CCDC91: variants seen among roughly 807,000 people sequenced by gnomAD.
The protein encoded by CCDC91 is coiled-coil domain containing 91, also known as coiled-coil domain-containing protein 91.
A neutral mutation model predicts 63.2 loss-of-function variants in CCDC91; 48 were observed. That is an observed-to-expected ratio of 0.76 (90% confidence interval 0.60 to 0.97). The LOEUF (loss-of-function observed/expected upper bound fraction) is 0.97. Ranked by LOEUF, CCDC91 falls within the 50% of genes least tolerant of loss-of-function variation. CCDC91 has a pLI of 0.00. For synonymous variants in CCDC91, 167 were observed against 165.8 expected, an observed-to-expected ratio of 1.01 and a Z score of -0.06; for missense variants, 500 against 494.6, an observed-to-expected ratio of 1.01 and a Z score of -0.10.
chr12:28,535,759 G>A (rs371072448), intron 12 of CCDC91, among the ~76,000 whole-genome samples: 1 of 151,996 alleles, frequency 6.6e-6, no homozygotes, highest in Non-Finnish European at 1.5e-5. Flanking sequence ...GGCCTGGTGC[G>A]GTATCATGCC....
chr12:28,298,400 C>CTTTA (rs1221343555), intron 3 of CCDC91, among the ~76,000 whole-genome samples: 16 of 148,284 alleles, frequency 1.1e-4, no homozygotes, highest in Non-Finnish European at 2.1e-4. Context: ...GCTAGTTGGC[C>CTTTA]CCTATTAGTC....
At chr12:28,398,720 G>T (rs150067599) in intron 8 of CCDC91, among the ~76,000 whole-genome samples, 1 of 152,134 alleles carries the variant, frequency 6.6e-6, no homozygotes, top group African/African-American at 2.4e-5. Flanking sequence ...GGAATGGGGT[G>T]TGGTATTTCA....
At chr12:28,443,274 A>G (rs985031828) in intron 8 of CCDC91, among the ~76,000 whole-genome samples, 1 of 150,946 alleles carries the variant, frequency 6.6e-6, no homozygotes, top group Non-Finnish European at 1.5e-5. Context: ...AACATTTCTT[A>G]GTCTAGGATA....
chr12:28,427,677 T>G (rs1948400474), intron 8 of CCDC91, among the ~76,000 whole-genome samples: 8 of 152,208 alleles, frequency 5.3e-5, no homozygotes, highest in Admixed American at 5.2e-4. Context: ...TAGATTTGCA[T>G]ATTTCTCCAA....
At chr12:28,424,146 T>C (rs984389907) in intron 8 of CCDC91, among the ~76,000 whole-genome samples, 9 of 152,180 alleles carry the variant, frequency 5.9e-5, no homozygotes, top group African/African-American at 2.2e-4. Flanking sequence ...TCCAAGCTGG[T>C]CTCCAACTCC....
intron 8 of CCDC91, among the ~76,000 whole-genome samples, chr12:28,430,071 T>C (rs1216199137): frequency 6.6e-6 from 1 of 152,100 alleles, no homozygotes; most frequent in East Asian, 1.9e-4. Flanking sequence ...AAGACTATTA[T>C]AAGTGTTAAC....
At chr12:28,444,698 G>A (rs1265173222) in intron 8 of CCDC91, among the ~76,000 whole-genome samples, 1 of 152,114 alleles carries the variant, frequency 6.6e-6, no homozygotes, top group African/African-American at 2.4e-5. Flanking sequence ...GGTAGGAGGA[G>A]GGAGAGGAGC....
intron 11 of CCDC91, among the ~76,000 whole-genome samples, chr12:28,478,941 T>C (rs1404631592): frequency 2.0e-5 from 3 of 151,860 alleles, no homozygotes. Flanking sequence ...TAGAATGACA[T>C]TCATTAAAAT....
At chr12:28,217,510 A>G (rs1271996296) in intron 1 of CCDC91, among the ~76,000 whole-genome samples, 1 of 152,182 alleles carries the variant, frequency 6.6e-6, no homozygotes, top group Non-Finnish European at 1.5e-5. Context: ...ATCAAAAGAT[A>G]TTAAGCATTT....
intron 11 of CCDC91, among the ~76,000 whole-genome samples, chr12:28,483,046 A>G (rs1202476182): frequency 1.3e-5 from 2 of 151,974 alleles, no homozygotes; most frequent in Non-Finnish European, 2.9e-5. Context: ...AAGTATATAT[A>G]TGTGTGTCTT....
chr12:28,381,034 T>C (rs1335269792), intron 7 of CCDC91, among the ~76,000 whole-genome samples: 6 of 152,110 alleles, frequency 3.9e-5, no homozygotes, highest in East Asian at 1.9e-4. Context: ...TCATTAAGGA[T>C]ATATACACAA....
At chr12:28,539,644 A>G (rs1387342961) in intron 12 of CCDC91, among the ~76,000 whole-genome samples, 1 of 152,134 alleles carries the variant, frequency 6.6e-6, no homozygotes, top group Non-Finnish European at 1.5e-5. Flanking sequence ...ATAACATCCC[A>G]GTTTAGCTTT....
chr12:28,420,484 G>GTAT (rs1947936635), intron 8 of CCDC91, among the ~76,000 whole-genome samples: 1 of 152,110 alleles, frequency 6.6e-6, no homozygotes. Flanking sequence ...TATGCCATCT[G>GTAT]TATGTATCAG....
intron 6 of CCDC91, among the ~76,000 whole-genome samples, chr12:28,359,706 C>A (rs1336974420): frequency 6.6e-6 from 1 of 151,816 alleles, no homozygotes; most frequent in Non-Finnish European, 1.5e-5. Context: ...CATATATCCC[C>A]AGGGTAGGAT....
At chr12:28,225,950 A>G (rs1592038417) in intron 1 of CCDC91, 2 of 152,226 alleles carry the variant, frequency 1.3e-5, no homozygotes, top group African/African-American at 4.8e-5. Context: ...TATTTTTGTC[A>G]TCTTGCTTCC....
At chr12:28,219,426 A>G (rs2135639937) in intron 1 of CCDC91, among the ~76,000 whole-genome samples, 1 of 151,836 alleles carries the variant, frequency 6.6e-6, no homozygotes, top group African/African-American at 2.4e-5. Context: ...TTTAATTTTA[A>G]AATTTGGCAA....
At chr12:28,372,696 C>G (rs1352906523) in intron 7 of CCDC91, among the ~76,000 whole-genome samples, 1 of 152,040 alleles carries the variant, frequency 6.6e-6, no homozygotes, top group Non-Finnish European at 1.5e-5. Context: ...TGAGACTTTA[C>G]TGAATTCATT....
At chr12:28,223,222 T>C (rs1450616316) in intron 1 of CCDC91, among the ~76,000 whole-genome samples, 1 of 152,144 alleles carries the variant, frequency 6.6e-6, no homozygotes, top group Non-Finnish European at 1.5e-5. Flanking sequence ...TGTTCTTATC[T>C]CTCGTAGGGA....
At chr12:28,475,360 A>T (rs577637366) in intron 11 of CCDC91, among the ~76,000 whole-genome samples, 2 of 152,126 alleles carry the variant, frequency 1.3e-5, no homozygotes, top group African/African-American at 4.8e-5. Context: ...CTTCATAAGT[A>T]GCTGTTAGAG....
Sources: allele counts gnomAD v4.1 joint callset (sites outside exome capture counted in the v4.1 genomes callset), GRCh38; gene constraint gnomAD v4.1.1; transcripts MANE v1.5; gene names NCBI Gene and HGNC (gene_info 2026-07-23, HGNC 2026-07-21).